TEX26: variants seen among roughly 807,000 people sequenced by gnomAD.
TEX26 encodes testis expressed 26, also known as testis-expressed protein 26.
In TEX26, 34 loss-of-function variants were observed where a neutral mutation model predicts 35.3. That is an observed-to-expected ratio of 0.96 (90% CI 0.73 to 1.28). The LOEUF (loss-of-function observed/expected upper bound fraction) is 1.28, where lower values mean the gene tolerates loss of function less well. Ranked by LOEUF, TEX26 falls within the 50% of genes most tolerant of loss-of-function variation. TEX26 has a pLI of 0.00. For missense variants in TEX26, 371 were observed against 330.1 expected (o/e 1.12, Z -0.96); for synonymous variants, 136 against 111.8 (o/e 1.22, Z -1.36).
At chr13:30,951,418 T>C (rs537885567) in intron 2 of TEX26, among the ~76,000 whole-genome samples, 1 of 152,088 alleles carries the variant, frequency 6.6e-6, no homozygotes, top group South Asian at 2.1e-4. Context: ...CCAGTTTATA[T>C]CTGAATGGCA....
chr13:30,954,313 CA>C, intron 3 of TEX26, among the ~76,000 whole-genome samples: 1 of 129,406 alleles, frequency 7.7e-6, no homozygotes, highest in East Asian at 2.3e-4. Context: ...CACACACACA[CA>C]CACACATATA....
intron 2 of TEX26, among the ~76,000 whole-genome samples, chr13:30,947,322 C>T (rs1050063361): frequency 2.0e-5 from 3 of 151,976 alleles, no homozygotes; most frequent in African/African-American, 7.2e-5. Flanking sequence ...ATTTTTTCTG[C>T]TTCTCTCTTT....
At chr13:30,947,396 C>A (rs887786398) in intron 2 of TEX26, among the ~76,000 whole-genome samples, 1 of 152,004 alleles carries the variant, frequency 6.6e-6, no homozygotes, top group African/African-American at 2.4e-5. Flanking sequence ...TAAGTAAGTG[C>A]AAATGAAAGG....
At chr13:30,951,251 G>T (rs1204769342) in intron 2 of TEX26, among the ~76,000 whole-genome samples, 1 of 151,902 alleles carries the variant, frequency 6.6e-6, no homozygotes, top group Admixed American at 6.6e-5. Context: ...AACTACTTGG[G>T]AGGCTGAGGT....
chr13:30,933,243 G>A (rs1953142698), intron 1 of TEX26: 1 of 153,404 alleles, frequency 6.5e-6, no homozygotes, highest in Admixed American at 6.5e-5. Flanking sequence ...TGCAGAGGCA[G>A]ACGCCCTCCC....
intron 2 of TEX26, among the ~76,000 whole-genome samples, chr13:30,942,086 T>A (rs1351021603): frequency 6.6e-6 from 1 of 152,226 alleles, no homozygotes; most frequent in African/African-American, 2.4e-5. Context: ...GAAATATTCA[T>A]ACTGTTTTCC....
intron 2 of TEX26, among the ~76,000 whole-genome samples, chr13:30,949,593 T>C (rs1287456665): frequency 6.6e-6 from 1 of 152,066 alleles, no homozygotes; most frequent in Non-Finnish European, 1.5e-5. Flanking sequence ...GATTTGGGTC[T>C]GATATGATTA....
At chr13:30,936,975 A>AC (rs1188223002) in intron 1 of TEX26, 4 of 985,310 alleles carry the variant, frequency 4.1e-6, no homozygotes, top group Non-Finnish European at 4.8e-6. Flanking sequence ...CAATGGAGGT[A>AC]AAAAGCATAG....
intron 4 of TEX26, among the ~76,000 whole-genome samples, chr13:30,959,435 T>C (rs1266576785): frequency 6.6e-6 from 1 of 152,250 alleles, no homozygotes; most frequent in East Asian, 1.9e-4. Flanking sequence ...TATAACTCTG[T>C]CTCACTGGCC....
At chr13:30,961,104 C>T (rs1954323257) in intron 4 of TEX26, among the ~76,000 whole-genome samples, 1 of 152,164 alleles carries the variant, frequency 6.6e-6, no homozygotes, top group Non-Finnish European at 1.5e-5. Flanking sequence ...ATTCTGAGAG[C>T]AGGAGTGGAG....
chr13:30,974,076 G>A (rs1322733268), intron 6 of TEX26, among the ~76,000 whole-genome samples: 2 of 141,872 alleles, frequency 1.4e-5, no homozygotes, highest in Non-Finnish European at 3.0e-5. Context: ...AGCCGAGATC[G>A]CACCACTGCC....
chr13:30,952,907 C>G, intron 3 of TEX26, 82 bp downstream of exon 3: 4 of 1,226,058 alleles, frequency 3.3e-6, no homozygotes, highest in Non-Finnish European at 4.6e-6. Flanking sequence ...AAATATGTCA[C>G]AAAGATCTCT....
chr13:30,940,612 C>T (rs144374699), intron 2 of TEX26, among the ~76,000 whole-genome samples: 1 of 152,238 alleles, frequency 6.6e-6, no homozygotes, highest in East Asian at 1.9e-4. Flanking sequence ...GGATTACAGG[C>T]GTGAGCCACC....
At chr13:30,954,827 A>G (rs533975742) in intron 3 of TEX26, among the ~76,000 whole-genome samples, 1 of 152,308 alleles carries the variant, frequency 6.6e-6, no homozygotes, top group South Asian at 2.1e-4. Context: ...ACAATATTAT[A>G]CTGTATTTAT....
In TEX26 at chr13:30,956,854, A is replaced by G. The variant is rs1225057737; in HGVS notation, c.313-19A>G. The stretch of plus-strand genomic sequence containing the variant: ...TGAACCCATATGGATTTTCTTGAAA[A>G]TTATGTTTGCTTTGATAGGACATTT... On this transcript the variant is annotated intron_variant, in intron 3 of 6. Transcript: ENST00000380473. 1.2e-6 allele frequency: 2 copies of G among 1,611,530 alleles called. No homozygotes were observed. Among genetic ancestry groups the G allele is most frequent in the African/African-American group, 2.7e-5 (2 of 74,800 alleles).
intron 1 of TEX26, 90 bp from the exon 2 acceptor site, chr13:30,939,604 T>C (rs1953400489): frequency 8.2e-7 from 1 of 1,213,074 alleles, no homozygotes; most frequent in Non-Finnish European, 1.2e-6. Flanking sequence ...AATGTTTTTT[T>C]CTCTTGCAAA....
At chr13:30,957,074 C>T (rs1593582393) in intron 4 of TEX26, 45 bp downstream of exon 4, 2 of 1,589,696 alleles carry the variant, frequency 1.3e-6, no homozygotes, top group Non-Finnish European at 1.7e-6. Flanking sequence ...ATGTGGTAGG[C>T]CCTGGAGTTG....
chr13:30,939,746 G>T lies in TEX26; in HGVS notation c.114G>T (p.Thr38=), dbSNP rs753613393. The T allele has an allele frequency of 6.2e-7, 1 of 1,613,992 alleles. No individual in the cohort carries two copies. Among genetic ancestry groups the T allele is most frequent in the Admixed American group, 1.7e-5 (1 of 60,028 alleles). ...CTACCACTATGAGGACTGCATTCAC[G>T]CCTAAAACAGGAGCAGTGCCTGCCT... ...SYATTMRTAF[T]PKTGAVPALI... Residue 38 remains threonine (T), a synonymous_variant, in exon 2 of 7, where the codon ACG becomes ACT. Coordinates refer to ENST00000380473, the MANE Select transcript of TEX26 (RefSeq NM_152325.3).
chr13:30,969,102 A>G lies in TEX26; in HGVS notation c.808+56A>G, dbSNP rs1954635873. ...AGATCACAATACATTGCTTTTGCCA[A>G]ATAGAAACTGTTCCAAGTTCTAGCC... On this transcript the variant is annotated intron_variant, in intron 6 of 6. Coordinates refer to ENST00000380473, the MANE Select transcript of TEX26 (RefSeq NM_152325.3). 7.4e-6 allele frequency: 11 copies of G among 1,480,808 alleles called. No individual in the cohort carries two copies. The South Asian group carries it at 1.4e-4, about 19-fold the overall frequency. 91.7% of individuals were successfully genotyped at this position (1,480,808 alleles called of 1,614,324 possible). A position where few individuals can be genotyped will look rare whatever the true frequency, so the allele number is the denominator to read the frequency against.
Sources: gnomAD v4.1 joint callset for allele counts (sites outside exome capture counted in the v4.1 genomes callset) on GRCh38, gnomAD v4.1.1 for gene constraint, MANE v1.5 for transcripts, NCBI Gene and HGNC (gene_info 2026-07-23, HGNC 2026-07-21) for gene names.